ARHGAP44: variants seen among roughly 807,000 people sequenced by gnomAD.
The protein encoded by ARHGAP44 is Rho GTPase activating protein 44.
Under a neutral mutation model 106.8 loss-of-function variants are expected in ARHGAP44, and 43 were observed. The observed-to-expected ratio is 0.40, with a 90% CI of 0.32 to 0.52. The LOEUF (loss-of-function observed/expected upper bound fraction) is 0.52, where lower values mean the gene tolerates loss of function less well. Among genes scored for constraint, ARHGAP44 ranks in the 20% least tolerant of loss-of-function variants. The probability of loss-of-function intolerance (pLI) is 0.48; values close to 1 mark genes in which losing one functional copy is unlikely to be tolerated. For synonymous variants in ARHGAP44, 439 were observed against 410.3 expected, an observed-to-expected ratio of 1.07 and a Z score of -0.85; for missense variants, 866 against 1,050.5, an observed-to-expected ratio of 0.82 and a Z score of 2.43.
chr17:12,819,587 T>G (rs1028181551), intron 1 of ARHGAP44, among the ~76,000 whole-genome samples: 12 of 151,986 alleles, frequency 7.9e-5, no homozygotes, highest in Admixed American at 3.9e-4. Context: ...GTCAAGTTTT[T>G]TTTTTTTTTT....
intron 16 of ARHGAP44, among the ~76,000 whole-genome samples, chr17:12,959,235 C>T (rs1223832658): frequency 1.3e-5 from 2 of 152,068 alleles, no homozygotes; most frequent in Non-Finnish European, 2.9e-5. Flanking sequence ...TAGATCAATT[C>T]CAGAATTTGT....
At chr17:12,888,524 A>G (rs2036948410) in intron 1 of ARHGAP44, among the ~76,000 whole-genome samples, 1 of 152,136 alleles carries the variant, frequency 6.6e-6, no homozygotes, top group African/African-American at 2.4e-5. Flanking sequence ...ATCTTGGTAT[A>G]TGTTCCGTGG....
At chr17:12,901,910 G>A (rs762533123) in intron 3 of ARHGAP44, among the ~76,000 whole-genome samples, 2 of 152,202 alleles carry the variant, frequency 1.3e-5, no homozygotes, top group Middle Eastern at 3.4e-3. Flanking sequence ...TTCCTCCAAA[G>A]AATTTCCATT....
Position 12,991,308 on chromosome 17 carries a change from T to TAATA in ARHGAP44, c.*1138_*1141dup, listed in dbSNP as rs1375734171. The TAATA allele has an allele frequency of 6.5e-6, 1 of 152,690 alleles. No individual in the cohort carries two copies. The highest frequency in any genetic ancestry group is 1.5e-5 in the Non-Finnish European group (1 of 68,080). The allele number at this position is 152,690 out of a possible 1,614,324, so 9.5% of individuals were successfully genotyped here. On this transcript the variant is annotated 3_prime_UTR_variant, in exon 21 of 21. Transcript: ENST00000379672. ...TTTTATCCTTTTCAAATAGATGATA[T>TAATA]AATATACCTATACATGATATAATAT...
rs73290463 is a variant in ARHGAP44 at position 12,933,530 on chromosome 17, A to G, written c.582+4484A>G. ...CCTACTTCAAGATGAGACAAGCCCAACTCTTCACAAGTGGTACTTGCTTTC... is the reference window on the plus strand; with the variant it reads ...CCTACTTCAAGATGAGACAAGCCCAGCTCTTCACAAGTGGTACTTGCTTTC... On this transcript the variant is annotated intron_variant, in intron 7 of 20. Transcript: ENST00000379672. Among the ~76,000 whole-genome samples the G allele has an allele frequency of 1.0e-2, 1,522 of 152,214 alleles. 26 individuals carry two copies. The highest frequency in any genetic ancestry group is 0.035 in the African/African-American group (1,450 of 41,508).
chr17:12,850,864 T>A (rs933810261), intron 1 of ARHGAP44, among the ~76,000 whole-genome samples: 1 of 152,192 alleles, frequency 6.6e-6, no homozygotes, highest in Non-Finnish European at 1.5e-5. Flanking sequence ...AGGACCTGGC[T>A]GAGGATAGAA....
At chr17:12,818,852 T>C (rs1193383303) in intron 1 of ARHGAP44, among the ~76,000 whole-genome samples, 1 of 152,050 alleles carries the variant, frequency 6.6e-6, no homozygotes, top group Admixed American at 6.6e-5. Context: ...TCTCCCCATA[T>C]TGATCTATAG....
intron 1 of ARHGAP44, among the ~76,000 whole-genome samples, chr17:12,874,706 T>G (rs2036500845): frequency 6.6e-6 from 1 of 150,698 alleles, no homozygotes. Context: ...CACTCTAGCC[T>G]GGGTAAGAAG....
chr17:12,821,960 A>G (rs922799492), intron 1 of ARHGAP44, among the ~76,000 whole-genome samples: 50 of 152,202 alleles, frequency 3.3e-4, no homozygotes, highest in Admixed American at 3.1e-3. Flanking sequence ...CAACTTACAT[A>G]TAAAGACCTA....
At chr17:12,862,073 G>T (rs1187767424) in intron 1 of ARHGAP44, among the ~76,000 whole-genome samples, 1 of 152,120 alleles carries the variant, frequency 6.6e-6, no homozygotes, top group African/African-American at 2.4e-5. Flanking sequence ...AGGGTGCTGG[G>T]AATTAGGATG....
intron 20 of ARHGAP44, chr17:12,986,899 C>G: frequency 1.7e-6 from 1 of 575,496 alleles, no homozygotes; most frequent in Non-Finnish European, 3.1e-6. Context: ...CCTGTGCGGA[C>G]CCTATTTTAA....
At chr17:12,917,108 T>C (rs561812692) in intron 5 of ARHGAP44, among the ~76,000 whole-genome samples, 18 of 152,302 alleles carry the variant, frequency 1.2e-4, no homozygotes, top group Non-Finnish European at 7.3e-5. Context: ...ACTCCATCTA[T>C]ATAAAATCTA....
chr17:12,967,869 G>A (rs1246348693), intron 16 of ARHGAP44, among the ~76,000 whole-genome samples: 4 of 152,076 alleles, frequency 2.6e-5, no homozygotes, highest in Non-Finnish European at 5.9e-5. Context: ...CTGCTTACAC[G>A]GTGTGAAAGT....
intron 1 of ARHGAP44, among the ~76,000 whole-genome samples, chr17:12,810,471 A>G (rs1032262017): frequency 7.9e-5 from 12 of 152,172 alleles, no homozygotes; most frequent in Admixed American, 5.9e-4. Context: ...TAATGGGGCG[A>G]TAGAAAGCTT....
intron 16 of ARHGAP44, among the ~76,000 whole-genome samples, chr17:12,971,204 G>GTAC (rs2143307307): frequency 6.6e-6 from 1 of 152,246 alleles, no homozygotes; most frequent in South Asian, 2.1e-4. Flanking sequence ...GTCTCGCCCA[G>GTAC]TACCTACCCC....
intron 13 of ARHGAP44, among the ~76,000 whole-genome samples, chr17:12,955,268 C>T (rs535352750): frequency 1.3e-5 from 2 of 152,256 alleles, no homozygotes; most frequent in African/African-American, 4.8e-5. Flanking sequence ...CCTTTATGGA[C>T]ATTTGGGTCA....
chr17:12,841,871 G>A (rs557984284), intron 1 of ARHGAP44, among the ~76,000 whole-genome samples: 9 of 152,096 alleles, frequency 5.9e-5, no homozygotes, highest in African/African-American at 1.9e-4. Flanking sequence ...AAATTGTTCG[G>A]GGTTTGCAAA....
intron 10 of ARHGAP44, among the ~76,000 whole-genome samples, chr17:12,944,671 A>G (rs1323147824): frequency 2.2e-5 from 2 of 90,248 alleles, no homozygotes; most frequent in South Asian, 3.6e-4. Flanking sequence ...TTTTTTTTTT[A>G]GTAGCAATGG....
intron 3 of ARHGAP44, among the ~76,000 whole-genome samples, chr17:12,898,397 T>G (rs982569966): frequency 6.6e-6 from 1 of 152,192 alleles, no homozygotes; most frequent in Non-Finnish European, 1.5e-5. Context: ...GGGCAGTCCC[T>G]CTAGGGTCAG....
Sources: gnomAD v4.1 joint callset for allele counts (sites outside exome capture counted in the v4.1 genomes callset) on GRCh38, gnomAD v4.1.1 for gene constraint, MANE v1.5 for transcripts, NCBI Gene and HGNC (gene_info 2026-07-23, HGNC 2026-07-21) for gene names.